MMP16: variants seen among roughly 807,000 people sequenced by gnomAD.
MMP16 encodes matrix metallopeptidase 16, also known as matrix metalloproteinase-16.
Under a neutral mutation model 67.8 loss-of-function variants are expected in MMP16, and 12 were observed. The observed-to-expected ratio is 0.18, with a 90% CI of 0.11 to 0.29. MMP16 has a LOEUF of 0.29. MMP16 is among the 10% of genes least tolerant of loss of function. The pLI is 1.00. For missense variants in MMP16, 475 were observed against 765.7 expected, an observed-to-expected ratio of 0.62 and a Z score of 4.48; for synonymous variants, 249 against 255.9, an observed-to-expected ratio of 0.97 and a Z score of 0.26.
chr8:88,070,018 T>G (rs1270474884), intron 7 of MMP16, among the ~76,000 whole-genome samples: 2 of 152,170 alleles, frequency 1.3e-5, no homozygotes, highest in Non-Finnish European at 2.9e-5. Context: ...ATTATCTCCA[T>G]GGATACAGTT....
chr8:88,179,484 G>T (rs1297876272), intron 3 of MMP16, among the ~76,000 whole-genome samples: 1 of 151,344 alleles, frequency 6.6e-6, no homozygotes, highest in African/African-American at 2.4e-5. Flanking sequence ...GAAGAAAAAT[G>T]ATGCTGATCA....
At chr8:88,100,523 T>G (rs1422747401) in intron 6 of MMP16, among the ~76,000 whole-genome samples, 1 of 152,060 alleles carries the variant, frequency 6.6e-6, no homozygotes, top group Non-Finnish European at 1.5e-5. Context: ...TTTTACACTG[T>G]TGATGGGACT....
intron 4 of MMP16, among the ~76,000 whole-genome samples, chr8:88,160,258 G>T (rs186432865): frequency 0.022 from 3,378 of 151,926 alleles, 111 homozygotes; most frequent in African/African-American, 0.078. Context: ...TACTGAGAAT[G>T]ATGATTTCCA....
chr8:88,238,474 A>G (rs757715356), intron 1 of MMP16, among the ~76,000 whole-genome samples: 5 of 151,924 alleles, frequency 3.3e-5, no homozygotes, highest in Non-Finnish European at 7.4e-5. Flanking sequence ...CCCGGCCAAC[A>G]TGGTGAAACT....
intron 1 of MMP16, among the ~76,000 whole-genome samples, chr8:88,213,173 G>C (rs1180809961): frequency 6.6e-6 from 1 of 152,040 alleles, no homozygotes; most frequent in Non-Finnish European, 1.5e-5. Flanking sequence ...TAATTCTTTA[G>C]CAGTATCACT....
Position 88,041,394 on chromosome 8 carries a change from G to A in MMP16, c.*67C>T. ...CTCCTAGCTAGGAAACAGCATAACAGCTCTTGTCTTGAATCTCAAGTTACC... is the reference window on the plus strand; with the variant it reads ...CTCCTAGCTAGGAAACAGCATAACAACTCTTGTCTTGAATCTCAAGTTACC... On this transcript the variant is annotated 3_prime_UTR_variant, in exon 10 of 10. Transcript: ENST00000286614. This position sits in a 1 kb window ranked among gnomAD's most constrained non-coding sequence, Gnocchi z 6.0. 6.7e-7 allele frequency: 1 copy of A among 1,495,240 alleles called. No individual in the cohort carries two copies. Among genetic ancestry groups the A allele is most frequent in the Non-Finnish European group, 9.1e-7 (1 of 1,094,332 alleles). The allele number at this position is 1,495,240 out of a possible 1,614,324, so 92.6% of individuals were successfully genotyped here.
At chr8:88,067,149 T>G (rs1808473777) in intron 7 of MMP16, among the ~76,000 whole-genome samples, 1 of 152,110 alleles carries the variant, frequency 6.6e-6, no homozygotes, top group African/African-American at 2.4e-5. Flanking sequence ...TAAATGTTCT[T>G]TCTACTATTG....
chr8:88,269,583 C>A (rs925626863), intron 1 of MMP16, among the ~76,000 whole-genome samples: 29 of 152,136 alleles, frequency 1.9e-4, no homozygotes, highest in African/African-American at 7.0e-4. Flanking sequence ...GTCATTACAA[C>A]CTGACCAATT....
At chr8:88,146,955 A>C (rs1022092712) in intron 4 of MMP16, among the ~76,000 whole-genome samples, 3 of 152,014 alleles carry the variant, frequency 2.0e-5, no homozygotes, top group Non-Finnish European at 2.9e-5. Context: ...TTGCTGATTC[A>C]CATCTTCACT....
At chr8:88,172,568 A>G (rs1808823283) in intron 3 of MMP16, among the ~76,000 whole-genome samples, 1 of 152,192 alleles carries the variant, frequency 6.6e-6, no homozygotes, top group Non-Finnish European at 1.5e-5. Flanking sequence ...TGCAGAAATG[A>G]TTAAATATAT....
At chr8:88,128,631 A>C (rs1807974908) in intron 4 of MMP16, among the ~76,000 whole-genome samples, 1 of 151,816 alleles carries the variant, frequency 6.6e-6, no homozygotes, top group Admixed American at 6.6e-5. Context: ...TGTAATCATC[A>C]AGCAAGATAG....
chr8:88,079,228 C>T (rs1214307505), intron 6 of MMP16, among the ~76,000 whole-genome samples: 2 of 152,114 alleles, frequency 1.3e-5, no homozygotes, highest in Non-Finnish European at 2.9e-5. Context: ...TGTGGTTTCG[C>T]TTTCCACAGT....
At chr8:88,292,411 T>C (rs571510497) in intron 1 of MMP16, among the ~76,000 whole-genome samples, 150 of 152,314 alleles carry the variant, frequency 9.8e-4, no homozygotes, top group African/African-American at 3.4e-3. Flanking sequence ...GTCCATATAC[T>C]TAACCCGTGT....
chr8:88,222,905 G>T (rs1809708168), intron 1 of MMP16, among the ~76,000 whole-genome samples: 1 of 151,926 alleles, frequency 6.6e-6, no homozygotes, highest in Non-Finnish European at 1.5e-5. Flanking sequence ...AGGGTGAACA[G>T]GCAACCTACA....
At chr8:88,203,088 C>T (rs1270315251) in intron 1 of MMP16, among the ~76,000 whole-genome samples, 2 of 140,192 alleles carry the variant, frequency 1.4e-5, no homozygotes, top group African/African-American at 2.6e-5. Flanking sequence ...GATGAAGGTA[C>T]AAAATACCAG....
chr8:88,244,292 A>G (rs1412725984), intron 1 of MMP16, among the ~76,000 whole-genome samples: 6 of 152,194 alleles, frequency 3.9e-5, no homozygotes, highest in African/African-American at 1.4e-4. Flanking sequence ...AGATATTAGT[A>G]TTATTTTGTG....
intron 1 of MMP16, among the ~76,000 whole-genome samples, chr8:88,251,181 C>T (rs1190260833): frequency 6.6e-6 from 1 of 151,304 alleles, no homozygotes; most frequent in South Asian, 2.1e-4. Context: ...GCCCGCATCG[C>T]CAAGTCAATC....
chr8:88,032,696 G>A lies in MMP16; in HGVS notation c.*8765C>T, dbSNP rs1474738448. 3 of 109,388 alleles carry A rather than the reference G, an allele frequency of 2.7e-5. No homozygotes were observed. Among genetic ancestry groups the A allele is most frequent in the Non-Finnish European group, 5.8e-5 (3 of 51,810 alleles). 6.8% of individuals were successfully genotyped at this position (109,388 alleles called of 1,614,324 possible). On this transcript the variant is annotated 3_prime_UTR_variant, in exon 10 of 10. Coordinates refer to ENST00000286614, the MANE Select transcript of MMP16 (RefSeq NM_005941.5). ...CAAACAAGCTTTGTGTTTGTCAGTA[G>A]AAGCTATCTGAAAAAAAAAATGCCA... is the stretch of plus-strand genomic sequence containing the variant.
chr8:88,116,367 A>G (rs1809434363), intron 6 of MMP16, 140 bp downstream of exon 6: 1 of 725,858 alleles, frequency 1.4e-6, no homozygotes, highest in Admixed American at 2.9e-5. Context: ...TTGTGCATTT[A>G]TTTTTTAAAA....
Sources: allele counts gnomAD v4.1 joint callset (sites outside exome capture counted in the v4.1 genomes callset), GRCh38; gene constraint gnomAD v4.1.1; non-coding constraint Gnocchi (gnomAD v3.1); transcripts MANE v1.5; gene names NCBI Gene and HGNC (gene_info 2026-07-23, HGNC 2026-07-21).